The following GABRB3 variants were observed in gnomAD, a reference collection of about 807,000 sequenced individuals.
The protein encoded by GABRB3 is gamma-aminobutyric acid type A receptor subunit beta3, also known as gamma-aminobutyric acid receptor subunit beta-3.
Under a neutral mutation model 52.1 loss-of-function variants are expected in GABRB3, and 14 were observed. The observed-to-expected ratio is 0.27, with a 90% CI of 0.18 to 0.42. GABRB3 has a LOEUF of 0.42. GABRB3 is among the 10% of genes least tolerant of loss of function. The pLI is 1.00. For missense variants in GABRB3, 307 were observed against 609.1 expected, an observed-to-expected ratio of 0.50 and a Z score of 5.22; for synonymous variants, 260 against 232.3, an observed-to-expected ratio of 1.12 and a Z score of -1.08.
intron 3 of GABRB3, among the ~76,000 whole-genome samples, chr15:26,633,694 A>G (rs1363354075): frequency 6.6e-6 from 1 of 152,186 alleles, no homozygotes. Context: ...GATAACACCC[A>G]AAGCCCCACG....
chr15:26,580,186 G>C (rs1890736366), intron 6 of GABRB3, 133 bp downstream of exon 6: 1 of 1,050,910 alleles, frequency 9.5e-7, no homozygotes, highest in Non-Finnish European at 1.5e-6. Context: ...AGGGGTGTGT[G>C]TGATGTGTGA....
rs529472914 is a variant in GABRB3, at chr15:26,584,040, T to C, written c.462-626A>G. Among the ~76,000 whole-genome samples the C allele has an allele frequency of 1.1e-3, 163 of 152,278 alleles. 2 individuals carry two copies. The highest frequency in any genetic ancestry group is 1.9e-4 in the Non-Finnish European group (13 of 68,014). On this transcript the variant is annotated intron_variant, in intron 4 of 8. Coordinates refer to ENST00000311550, the MANE Select transcript of GABRB3 (RefSeq NM_000814.6). ...ATCCGCCTGCCTCGGCCTCCCAAAG[T>C]GCTGAGATTACAGGCGTGAGCCACC... is the stretch of plus-strand genomic sequence containing the variant.
chr15:26,602,806 C>T (rs892220102), intron 4 of GABRB3, among the ~76,000 whole-genome samples: 1 of 151,740 alleles, frequency 6.6e-6, no homozygotes, highest in African/African-American at 2.4e-5. Flanking sequence ...GTGTCTACAT[C>T]AAAAAAGAAA....
At chr15:26,696,908 A>T (rs1192835913) in intron 3 of GABRB3, among the ~76,000 whole-genome samples, 2 of 152,240 alleles carry the variant, frequency 1.3e-5, no homozygotes, top group African/African-American at 4.8e-5. Context: ...TGACATTGCA[A>T]TATTGCACCC....
chr15:26,685,625 A>C (rs1158682688), intron 3 of GABRB3, among the ~76,000 whole-genome samples: 1 of 152,202 alleles, frequency 6.6e-6, no homozygotes, highest in African/African-American at 2.4e-5. Context: ...AGAAATCATT[A>C]GATTCAAGAA....
chr15:26,605,993 G>A (rs1055660898), intron 4 of GABRB3, among the ~76,000 whole-genome samples: 17 of 152,120 alleles, frequency 1.1e-4, no homozygotes, highest in African/African-American at 4.1e-4. Context: ...ACATGGGGAA[G>A]AGAGAGCAAA....
intron 3 of GABRB3, among the ~76,000 whole-genome samples, chr15:26,733,929 C>G (rs551717735): frequency 1.1e-4 from 16 of 150,634 alleles, no homozygotes; most frequent in Admixed American, 9.3e-4. Flanking sequence ...TATCCACATG[C>G]AAAAGAATGA....
intron 3 of GABRB3, among the ~76,000 whole-genome samples, chr15:26,757,331 A>C (rs951811822): frequency 2.0e-5 from 3 of 152,014 alleles, no homozygotes; most frequent in South Asian, 4.2e-4. Flanking sequence ...TAGGAGCTGT[A>C]ATTATTCATT....
chr15:26,761,591 G>A (rs1468755204), intron 3 of GABRB3, among the ~76,000 whole-genome samples: 1 of 151,874 alleles, frequency 6.6e-6, no homozygotes, highest in African/African-American at 2.4e-5. Context: ...CACCATACCT[G>A]TGTATATAAT....
At chr15:26,730,277 G>A (rs1306645394) in intron 3 of GABRB3, among the ~76,000 whole-genome samples, 3 of 152,088 alleles carry the variant, frequency 2.0e-5, no homozygotes, top group Admixed American at 6.5e-5. Flanking sequence ...GAATAGCCGG[G>A]CGTGGTAGCG....
At chr15:26,583,028 T>C (rs1054658264) in intron 5 of GABRB3, among the ~76,000 whole-genome samples, 1 of 152,172 alleles carries the variant, frequency 6.6e-6, no homozygotes, top group Admixed American at 6.6e-5. Flanking sequence ...CAGCCACTCA[T>C]GAGTGATGAA....
At chr15:26,737,815 T>C (rs779393986) in intron 3 of GABRB3, among the ~76,000 whole-genome samples, 2 of 152,204 alleles carry the variant, frequency 1.3e-5, no homozygotes, top group Non-Finnish European at 2.9e-5. Context: ...TAATGTTATA[T>C]AAACATTCTC....
At chr15:26,549,060 T>C (rs1889363706) in intron 8 of GABRB3, among the ~76,000 whole-genome samples, 1 of 152,170 alleles carries the variant, frequency 6.6e-6, no homozygotes, top group Non-Finnish European at 1.5e-5. Context: ...TGGAGGGCCA[T>C]TTTCTTTGTC....
intron 4 of GABRB3, among the ~76,000 whole-genome samples, chr15:26,618,567 G>A (rs1007599127): frequency 2.0e-5 from 3 of 152,138 alleles, no homozygotes; most frequent in Non-Finnish European, 4.4e-5. Flanking sequence ...AAAAACCCTA[G>A]AAGAAAACCT....
intron 3 of GABRB3, among the ~76,000 whole-genome samples, chr15:26,713,791 C>T (rs1889381278): frequency 6.6e-6 from 1 of 152,226 alleles, no homozygotes; most frequent in African/African-American, 2.4e-5. Context: ...CAGCACACTC[C>T]TGTGCCCACT....
chr15:26,743,627 G>C (rs761041946), intron 3 of GABRB3, among the ~76,000 whole-genome samples: 3 of 152,132 alleles, frequency 2.0e-5, no homozygotes, highest in Non-Finnish European at 4.4e-5. Flanking sequence ...TTGTGGGGAA[G>C]GTGAACATCA....
chr15:26,629,114 C>G, intron 3 of GABRB3: 1 of 1,534,484 alleles, frequency 6.5e-7, no homozygotes, highest in Non-Finnish European at 8.7e-7. Flanking sequence ...CATCTCTGCT[C>G]TTTACAGGAG....
At chr15:26,755,064 T>C (rs1470939048) in intron 3 of GABRB3, among the ~76,000 whole-genome samples, 1 of 148,050 alleles carries the variant, frequency 6.8e-6, no homozygotes, top group African/African-American at 2.5e-5. Flanking sequence ...AGTGCAGTGG[T>C]GCAATCTCAG....
intron 3 of GABRB3, among the ~76,000 whole-genome samples, chr15:26,699,318 C>T (rs1415748703): frequency 6.6e-6 from 1 of 152,012 alleles, no homozygotes; most frequent in Non-Finnish European, 1.5e-5. Context: ...TAAAATGTTT[C>T]CAAGTAACGT....
Sources: allele counts gnomAD v4.1 joint callset (sites outside exome capture counted in the v4.1 genomes callset), GRCh38; gene constraint gnomAD v4.1.1; transcripts MANE v1.5; gene names NCBI Gene and HGNC (gene_info 2026-07-23, HGNC 2026-07-21).